The following RIN2 variants were observed in gnomAD, a reference collection of about 807,000 sequenced individuals.
The protein encoded by RIN2 is RAB5 interacting protein 2.
In RIN2, 36 loss-of-function variants were observed where a neutral mutation model predicts 78.0. The ratio of observed to expected loss-of-function variants is 0.46; its 90% CI spans 0.35 to 0.61. The LOEUF (loss-of-function observed/expected upper bound fraction) is 0.61, where lower values mean the gene tolerates loss of function less well. Among genes scored for constraint, RIN2 ranks in the 20% least tolerant of loss-of-function variants. The pLI is 0.00. For missense variants in RIN2, 1,087 were observed against 1,159.7 expected (o/e 0.94, Z 0.91); for synonymous variants, 466 against 466.8 (o/e 1.00, Z 0.02).
At chr20:19,883,701 A>G (rs2038095502) in intron 2 of RIN2, among the ~76,000 whole-genome samples, 1 of 152,064 alleles carries the variant, frequency 6.6e-6, no homozygotes, top group African/African-American at 2.4e-5. Context: ...GGGTGGTCAC[A>G]TGGCCAGTAA....
intron 3 of RIN2, among the ~76,000 whole-genome samples, chr20:19,913,328 T>C (rs1341121502): frequency 1.3e-5 from 2 of 152,216 alleles, no homozygotes; most frequent in African/African-American, 4.8e-5. Flanking sequence ...TTTTAAGCAC[T>C]TTAGTGATGG....
chr20:19,859,900 G>C (rs2037281705), intron 2 of RIN2, among the ~76,000 whole-genome samples: 1 of 152,182 alleles, frequency 6.6e-6, no homozygotes, highest in Non-Finnish European at 1.5e-5. Flanking sequence ...ATGATCCCCA[G>C]AAGCATCACT....
At chr20:19,852,719 A>G (rs1184252918) in intron 2 of RIN2, among the ~76,000 whole-genome samples, 1 of 152,154 alleles carries the variant, frequency 6.6e-6, no homozygotes, top group Non-Finnish European at 1.5e-5. Flanking sequence ...TCCTTTACAT[A>G]CAAGGTAATA....
intron 3 of RIN2, among the ~76,000 whole-genome samples, chr20:19,927,824 A>G (rs971594003): frequency 2.0e-5 from 3 of 152,126 alleles, no homozygotes; most frequent in African/African-American, 4.8e-5. Flanking sequence ...CACTGGGATT[A>G]TAGGGGTAGG....
intron 3 of RIN2, among the ~76,000 whole-genome samples, chr20:19,901,134 A>G (rs2038963981): frequency 6.6e-6 from 1 of 152,064 alleles, no homozygotes; most frequent in African/African-American, 2.4e-5. Context: ...AAAGCATAGA[A>G]ACGTCTTCAT....
chr20:19,935,812 C>CG (rs1445052152), intron 4 of RIN2, among the ~76,000 whole-genome samples: 1 of 139,184 alleles, frequency 7.2e-6, no homozygotes, highest in Admixed American at 7.5e-5. Context: ...GTGCAAAGGT[C>CG]GGGGGGTGGT....
chr20:19,805,135 GTTACTATTTA>G (rs1427271262), intron 2 of RIN2, among the ~76,000 whole-genome samples: 1 of 152,202 alleles, frequency 6.6e-6, no homozygotes, highest in African/African-American at 2.4e-5. Context: ...GTGAGTGTTA[GTTACTATTTA>G]TTACAATGAG....
intron 2 of RIN2, among the ~76,000 whole-genome samples, chr20:19,847,481 C>T (rs1240915850): frequency 2.0e-5 from 3 of 152,188 alleles, no homozygotes; most frequent in African/African-American, 7.2e-5. Context: ...TGGCAGTGGG[C>T]TCAACAAGAG....
At chr20:19,894,149 T>A (rs916184494) in intron 3 of RIN2, among the ~76,000 whole-genome samples, 1 of 152,194 alleles carries the variant, frequency 6.6e-6, no homozygotes, top group Non-Finnish European at 1.5e-5. Context: ...CAAAGTTACC[T>A]GCTTTTAAGT....
chr20:19,949,832 G>T (rs1474486454), intron 4 of RIN2, among the ~76,000 whole-genome samples: 1 of 152,208 alleles, frequency 6.6e-6, no homozygotes, highest in East Asian at 1.9e-4. Context: ...ACAAGAAAAG[G>T]CATGCATCGT....
chr20:19,918,609 ACT>A (rs2039782090), intron 3 of RIN2, among the ~76,000 whole-genome samples: 1 of 152,174 alleles, frequency 6.6e-6, no homozygotes, highest in Non-Finnish European at 1.5e-5. Flanking sequence ...AAACAACTCA[ACT>A]TCAAAAGGTA....
At position 20,002,126 on chromosome 20, in the gene RIN2, CA is replaced by C. The variant is rs1049311862; in HGVS notation, c.*1197del. ...TAATGGAGAAGAATTTGAAAATGCA[CA>C]AAAAAATCAATCTACATTATCAGAA... is the stretch of plus-strand genomic sequence containing the variant. On this transcript the variant is annotated 3_prime_UTR_variant, in exon 13 of 13. Transcript: ENST00000255006. 6.6e-6 allele frequency: 1 copy of C among 152,040 alleles called. No homozygotes were observed. The highest frequency in any genetic ancestry group is 1.5e-5 in the Non-Finnish European group (1 of 67,994). The allele number at this position is 152,040 out of a possible 1,614,324, so 9.4% of individuals were successfully genotyped here.
At chr20:19,964,336 C>T (rs1031594998) in intron 6 of RIN2, among the ~76,000 whole-genome samples, 8 of 151,878 alleles carry the variant, frequency 5.3e-5, no homozygotes, top group Admixed American at 2.0e-4. Flanking sequence ...TCTCAAACTC[C>T]TGGGCTCAAG....
At chr20:19,795,517 A>AT (rs995252921) in intron 1 of RIN2, among the ~76,000 whole-genome samples, 1 of 152,100 alleles carries the variant, frequency 6.6e-6, no homozygotes, top group African/African-American at 2.4e-5. Flanking sequence ...TGAAAATTGG[A>AT]TTTTTTATTG....
chr20:19,933,404 C>T (rs149466645), intron 3 of RIN2, among the ~76,000 whole-genome samples: 299 of 152,258 alleles, frequency 2.0e-3, no homozygotes, highest in African/African-American at 7.1e-3. Context: ...AAGGCTCTAT[C>T]GCTTAAAAAA....
chr20:19,878,324 G>A (rs1012517047), intron 2 of RIN2, among the ~76,000 whole-genome samples: 5 of 152,138 alleles, frequency 3.3e-5, no homozygotes, highest in Non-Finnish European at 7.3e-5. Flanking sequence ...GGCTGACTCT[G>A]CTCCTGGAGT....
chr20:19,790,842 A>G (rs62200341), intron 1 of RIN2, among the ~76,000 whole-genome samples: 3,281 of 152,222 alleles, frequency 0.022, 53 homozygotes, highest in African/African-American at 0.035. Context: ...TGAGATGGTC[A>G]CTAGCTCCCA....
Position 19,889,577 on chromosome 20 carries a change from G to T in RIN2, c.-25G>T. The stretch of plus-strand genomic sequence containing the variant: ...GTCTCTACCTTCAGGAGTCCCCGGC[G>T]TGCAGTGGAGCCTCGCTGGGGGAAA... On this transcript the variant is annotated 5_prime_UTR_variant, in exon 3 of 13. Transcript: ENST00000255006. The T allele has an allele frequency of 6.5e-7, 1 of 1,549,406 alleles. No homozygotes were observed.
intron 2 of RIN2, among the ~76,000 whole-genome samples, chr20:19,848,706 G>A (rs2036863851): frequency 6.6e-6 from 1 of 151,550 alleles, no homozygotes; most frequent in African/African-American, 2.4e-5. Flanking sequence ...TTAAATACTT[G>A]AAAAGGTTGA....
Sources: gnomAD v4.1 joint callset for allele counts (sites outside exome capture counted in the v4.1 genomes callset) on GRCh38, gnomAD v4.1.1 for gene constraint, MANE v1.5 for transcripts, NCBI Gene and HGNC (gene_info 2026-07-23, HGNC 2026-07-21) for gene names.